The following KCNMB2 variants were observed in gnomAD, a reference collection of about 807,000 sequenced individuals.
KCNMB2 encodes the protein calcium-activated potassium channel subunit beta-2.
A neutral mutation model predicts 24.5 loss-of-function variants in KCNMB2; 9 were observed. The ratio of observed to expected loss-of-function variants is 0.37; its 90% confidence interval spans 0.22 to 0.64. KCNMB2 has a LOEUF of 0.64. Among genes scored for constraint, KCNMB2 ranks in the 30% least tolerant of loss-of-function variants. The probability of loss-of-function intolerance (pLI) is 0.63; values close to 1 mark genes in which losing one functional copy is unlikely to be tolerated. For synonymous variants in KCNMB2, 109 were observed against 104.4 expected, an observed-to-expected ratio of 1.04 and a Z score of -0.27; for missense variants, 226 against 284.3, an observed-to-expected ratio of 0.79 and a Z score of 1.47.
chr3:178,697,437 C>T (rs1721922511), intron 1 of KCNMB2, among the ~76,000 whole-genome samples: 2 of 151,942 alleles, frequency 1.3e-5, no homozygotes, highest in African/African-American at 4.8e-5. Context: ...CCTGCTTTTT[C>T]CTGTTTTCCA....
intron 1 of KCNMB2, among the ~76,000 whole-genome samples, chr3:178,727,368 C>A (rs1176251684): frequency 6.6e-6 from 1 of 152,066 alleles, no homozygotes; most frequent in African/African-American, 2.4e-5. Flanking sequence ...CTTTCTCCAC[C>A]GTGGTAGGCA....
chr3:178,625,626 T>C (rs1032934007), intron 1 of KCNMB2, among the ~76,000 whole-genome samples: 1 of 152,070 alleles, frequency 6.6e-6, no homozygotes, highest in Non-Finnish European at 1.5e-5. Context: ...TGTAGAACAG[T>C]GGAAAATAGG....
chr3:178,571,402 T>C (rs1399217108), intron 1 of KCNMB2, among the ~76,000 whole-genome samples: 2 of 147,606 alleles, frequency 1.4e-5, no homozygotes, highest in African/African-American at 4.9e-5. Context: ...ATAGAAGGAA[T>C]ATTTGTAGGT....
At chr3:178,763,645 T>G (rs1318944506) in intron 1 of KCNMB2, among the ~76,000 whole-genome samples, 1 of 152,142 alleles carries the variant, frequency 6.6e-6, no homozygotes, top group African/African-American at 2.4e-5. Context: ...GATGATACAA[T>G]TTAGGATATG....
At chr3:178,661,995 A>G (rs1720549279) in intron 1 of KCNMB2, among the ~76,000 whole-genome samples, 1 of 152,218 alleles carries the variant, frequency 6.6e-6, no homozygotes, top group Admixed American at 6.5e-5. Flanking sequence ...GAGACAATAG[A>G]TGGCATTGAA....
chr3:178,814,178 G>A (rs1714312783), intron 2 of KCNMB2, among the ~76,000 whole-genome samples: 1 of 152,056 alleles, frequency 6.6e-6, no homozygotes, highest in Non-Finnish European at 1.5e-5. Context: ...AGTCCCCAGT[G>A]TCTATTGTTT....
At chr3:178,748,982 G>C (rs984392508) in intron 1 of KCNMB2, 2 of 152,162 alleles carry the variant, frequency 1.3e-5, no homozygotes, top group Non-Finnish European at 1.5e-5. Flanking sequence ...TCAATGGCTT[G>C]TAATCTCAAG....
chr3:178,706,974 G>C (rs571556869), intron 1 of KCNMB2, among the ~76,000 whole-genome samples: 1 of 152,066 alleles, frequency 6.6e-6, no homozygotes, highest in Non-Finnish European at 1.5e-5. Flanking sequence ...AATCCTGCAC[G>C]TTCTGCACAT....
At chr3:178,622,037 A>G (rs1367192164) in intron 1 of KCNMB2, among the ~76,000 whole-genome samples, 2 of 152,254 alleles carry the variant, frequency 1.3e-5, no homozygotes, top group Non-Finnish European at 2.9e-5. Flanking sequence ...CATTTATAAA[A>G]TAAGATATTG....
At position 178,761,005 on chromosome 3, in the gene KCNMB2, G is replaced by T. The variant is rs116320374; in HGVS notation, c.-67-46338G>T. ...TCTAGGGCCTCGGCATTAAGAAATTGGATAAGGTCTTTAATCCCTTGAATT... is the reference window on the plus strand; with the variant it reads ...TCTAGGGCCTCGGCATTAAGAAATTTGATAAGGTCTTTAATCCCTTGAATT... On this transcript the variant is annotated intron_variant, in intron 1 of 4. Coordinates refer to ENST00000452583, the MANE Select transcript of KCNMB2 (RefSeq NM_181361.3). 8.8e-3 allele frequency among the ~76,000 whole-genome samples: 1,341 copies of T among 152,194 alleles called. 21 individuals are homozygous for T. Among genetic ancestry groups the T allele is most frequent in the African/African-American group, 0.03 (1,256 of 41,526 alleles).
intron 1 of KCNMB2, among the ~76,000 whole-genome samples, chr3:178,567,740 C>T (rs549453281): frequency 3.3e-5 from 5 of 152,224 alleles, no homozygotes; most frequent in South Asian, 4.1e-4. Flanking sequence ...TTAATCTTTG[C>T]GAAACACACA....
chr3:178,684,557 G>C (rs1008970480), intron 1 of KCNMB2, among the ~76,000 whole-genome samples: 16 of 152,144 alleles, frequency 1.1e-4, no homozygotes, highest in African/African-American at 3.6e-4. Flanking sequence ...GCCAGGCGTG[G>C]TGGCTCACAC....
At chr3:178,692,173 T>A (rs1721704049) in intron 1 of KCNMB2, among the ~76,000 whole-genome samples, 1 of 152,220 alleles carries the variant, frequency 6.6e-6, no homozygotes, top group South Asian at 2.1e-4. Flanking sequence ...TTACAAAAAT[T>A]TTTCTCCCAT....
At position 178,765,237 on chromosome 3, in the gene KCNMB2, G is replaced by A. The variant is rs1393766683; in HGVS notation, c.-67-42106G>A. 2.0e-5 allele frequency among the ~76,000 whole-genome samples: 3 copies of A among 152,296 alleles called. No individual in the cohort carries two copies. The East Asian group carries it at 5.8e-4, about 29-fold the overall frequency. The stretch of plus-strand genomic sequence containing the variant: ...TAGAGTTCACTCGTTCTTTCCCAAA[G>A]TGCATTGTTGTGGCAACTACCCCTC... On this transcript the variant is annotated intron_variant, in intron 1 of 4. Coordinates refer to ENST00000452583, the MANE Select transcript of KCNMB2 (RefSeq NM_181361.3).
intron 1 of KCNMB2, among the ~76,000 whole-genome samples, chr3:178,743,060 G>A (rs997780885): frequency 6.6e-6 from 1 of 152,146 alleles, no homozygotes; most frequent in African/African-American, 2.4e-5. Flanking sequence ...ATTCCTAGAA[G>A]GGAAAGTAAA....
intron 1 of KCNMB2, among the ~76,000 whole-genome samples, chr3:178,715,714 A>G (rs1722598410): frequency 6.6e-6 from 1 of 152,192 alleles, no homozygotes; most frequent in African/African-American, 2.4e-5. Flanking sequence ...TTTACTAAAC[A>G]CTATATGCAG....
chr3:178,767,479 T>C (rs1712170053), intron 1 of KCNMB2, among the ~76,000 whole-genome samples: 1 of 152,300 alleles, frequency 6.6e-6, no homozygotes, highest in South Asian at 2.1e-4. Context: ...CTTTATGATA[T>C]TACTTCACAT....
chr3:178,627,672 G>A (rs1045048621), intron 1 of KCNMB2, among the ~76,000 whole-genome samples: 2 of 152,114 alleles, frequency 1.3e-5, no homozygotes, highest in African/African-American at 4.8e-5. Context: ...CAGGAAAAAA[G>A]AACTGACCTG....
intron 1 of KCNMB2, among the ~76,000 whole-genome samples, chr3:178,610,954 GT>G (rs1057495710): frequency 6.6e-6 from 1 of 152,066 alleles, no homozygotes; most frequent in African/African-American, 2.4e-5. Context: ...ATGTTGAGGT[GT>G]TTTTTTCTGG....
Sources: allele counts gnomAD v4.1 joint callset (sites outside exome capture counted in the v4.1 genomes callset), GRCh38; gene constraint gnomAD v4.1.1; transcripts MANE v1.5; gene names NCBI Gene and HGNC (gene_info 2026-07-23, HGNC 2026-07-21).